Variants in STRADB observed in about 807,000 individuals in gnomAD.
STRADB encodes STE20 related adaptor beta, also known as STE20-related kinase adapter protein beta.
A neutral mutation model predicts 52.1 loss-of-function variants in STRADB; 34 were observed. The ratio of observed to expected loss-of-function variants is 0.65; its 90% CI spans 0.50 to 0.87. The LOEUF is 0.87. Ranked by LOEUF, STRADB falls within the 40% of genes least tolerant of loss-of-function variation. The pLI, the probability that STRADB is intolerant of heterozygous loss-of-function variation, is 0.00. For synonymous variants in STRADB, 133 were observed against 174.5 expected (o/e 0.76, Z 1.87); for missense variants, 340 against 483.9 (o/e 0.70, Z 2.79).
chr2:201,479,892 A>G, intron 11 of STRADB, 140 bp from the exon 12 acceptor site: 1 of 1,022,972 alleles, frequency 9.8e-7, no homozygotes, highest in South Asian at 1.5e-5. Context: ...GATGACCAGA[A>G]TCAAAGGCAG....
At chr2:201,475,924 A>G (rs1039018949) in intron 7 of STRADB, among the ~76,000 whole-genome samples, 182 bp downstream of exon 7, 1 of 152,158 alleles carries the variant, frequency 6.6e-6, no homozygotes, top group Non-Finnish European at 1.5e-5. Flanking sequence ...CATTCGCCAA[A>G]CATGTTCAGA....
At chr2:201,466,430 A>G (rs1010055386) in intron 3 of STRADB, among the ~76,000 whole-genome samples, 1 of 152,192 alleles carries the variant, frequency 6.6e-6, no homozygotes, top group Non-Finnish European at 1.5e-5. Flanking sequence ...AATGAATTGG[A>G]AAAGTTGTAT....
rs1201444460 is a variant in STRADB, at chr2:201,477,681, C to G, written c.611C>G (p.Ser204Cys). 1.2e-6 allele frequency: 2 copies of G among 1,612,952 alleles called. No homozygotes were observed. The highest frequency in any genetic ancestry group is 1.7e-6 in the Non-Finnish European group (2 of 1,179,136). Residue 204 changes from serine (S) to cysteine (C), a missense_variant, in exon 8 of 12, where the codon TCC becomes TGC. Transcript: ENST00000194530. ...GGCCTAGTGACCCTCTCTGGCCTGT[C>G]CCATCTGCATAGTTTGGTTAAGCAT... Reference protein sequence around the residue: ...GDGLVTLSGLSHLHSLVKHGQ... With the variant: ...GDGLVTLSGLCHLHSLVKHGQ...
chr2:201,468,034 G>C (rs1284231350), intron 3 of STRADB, among the ~76,000 whole-genome samples: 1 of 145,912 alleles, frequency 6.9e-6, no homozygotes, highest in Non-Finnish European at 1.5e-5. Flanking sequence ...ACTGATCTGG[G>C]CCCAGTTTTC....
intron 5 of STRADB, among the ~76,000 whole-genome samples, chr2:201,474,039 C>T (rs562007631): frequency 6.6e-6 from 1 of 152,068 alleles, no homozygotes; most frequent in Admixed American, 6.5e-5. Context: ...TACAGGCGCC[C>T]ACCACCACGT....
chr2:201,477,001 A>G (rs974511208), intron 7 of STRADB, among the ~76,000 whole-genome samples: 4 of 149,336 alleles, frequency 2.7e-5, no homozygotes, highest in African/African-American at 7.3e-5. Context: ...AAAAAAAAAA[A>G]AAGTGAAATT....
chr2:201,477,917 G>C (rs1490823534), intron 8 of STRADB, 127 bp downstream of exon 8: 3 of 1,293,276 alleles, frequency 2.3e-6, no homozygotes, highest in Non-Finnish European at 3.2e-6. Flanking sequence ...TCTCTTTCTT[G>C]TCAAAATTAT....
Position 201,459,611 on chromosome 2 carries a change from A to T in STRADB, c.93+747A>T, listed in dbSNP as rs118191815. Among the ~76,000 whole-genome samples the T allele has an allele frequency of 4.6e-5, 7 of 152,134 alleles. No individual in the cohort carries two copies. The East Asian group carries it at 1.4e-3, about 29-fold the overall frequency. On this transcript the variant is annotated intron_variant, in intron 3 of 11. Transcript: ENST00000194530. ...TACTGCTCAGGTCTCATTGTCTCTC[A>T]CCTGGGCTCTTGCAGGTGGACTCCT...
intron 3 of STRADB, among the ~76,000 whole-genome samples, chr2:201,461,681 A>G (rs1202657261): frequency 6.6e-6 from 1 of 151,844 alleles, no homozygotes; most frequent in African/African-American, 2.4e-5. Context: ...AAGCTTTTTA[A>G]CTTGCTGTGA....
Position 201,479,511 on chromosome 2 carries a change from T to C in STRADB, c.1093T>C (p.Ser365Pro). The change falls in exon 11 of 12, where the codon TCC becomes CCC. Residue 365 changes from serine to proline, a missense_variant. Ser to Pro is a moderately conservative substitution (Grantham distance 74, BLOSUM62 -1). Coordinates refer to ENST00000194530, the MANE Select transcript of STRADB (RefSeq NM_018571.6). ...CAGGCCATCAGCAAGCAGTTTATTG[T>C]CCCATGTTTTCTTCAAACAGGTGAG... ...EKRPSASSLL[S>P]HVFFKQMKEE... The C allele has an allele frequency of 6.2e-7, 1 of 1,603,650 alleles. No homozygotes were observed. Among genetic ancestry groups the C allele is most frequent in the South Asian group, 1.1e-5 (1 of 87,320 alleles).
chr2:201,456,630 C>T (rs1184197565), intron 2 of STRADB, among the ~76,000 whole-genome samples: 1 of 152,134 alleles, frequency 6.6e-6, no homozygotes, highest in East Asian at 1.9e-4. Flanking sequence ...GATACTTTTA[C>T]TTAAGGATTC....
chr2:201,478,679 A>C, intron 10 of STRADB, 78 bp downstream of exon 10: 1 of 1,463,310 alleles, frequency 6.8e-7, no homozygotes, highest in Non-Finnish European at 9.2e-7. Flanking sequence ...TTGCCCTTCC[A>C]GGAGAATACA....
rs1952364280 is a variant in STRADB at position 201,469,975 on chromosome 2, G to C, written c.116G>C (p.Trp39Ser). The stretch of plus-strand genomic sequence containing the variant: ...CAGGTTGATGAGCCAACCCTTTCCT[G>C]GTCACGTCCATCCACTAGAGCCAGT... Reference protein sequence around the residue: ...QYLVDEPTLSWSRPSTRASEV... With the variant: ...QYLVDEPTLSSSRPSTRASEV... The change falls in exon 4 of 12, where the codon TGG (tryptophan) becomes TCG (serine). Residue 39 changes from tryptophan (W) to serine (S), a missense_variant. Physicochemically the swap from Trp to Ser is radical, Grantham distance 177. Transcript: ENST00000194530. 3.7e-6 allele frequency: 6 copies of C among 1,613,634 alleles called. 1 individual carries two copies. The South Asian group carries it at 6.6e-5, about 18-fold the overall frequency.
intron 3 of STRADB, among the ~76,000 whole-genome samples, chr2:201,465,910 C>G (rs930100333): frequency 3.3e-5 from 5 of 152,164 alleles, no homozygotes; most frequent in Non-Finnish European, 5.9e-5. Flanking sequence ...GTGCAAAGTC[C>G]CACAATCACT....
intron 4 of STRADB, among the ~76,000 whole-genome samples, chr2:201,472,636 C>T (rs1235172900): frequency 6.6e-6 from 1 of 152,130 alleles, no homozygotes; most frequent in Non-Finnish European, 1.5e-5. Context: ...ATTGGTTTAT[C>T]AAGTCACAAT....
At chr2:201,456,860 T>A (rs1178773284) in intron 2 of STRADB, among the ~76,000 whole-genome samples, 7 of 152,248 alleles carry the variant, frequency 4.6e-5, no homozygotes, top group Non-Finnish European at 8.8e-5. Context: ...CTTTCAAGAA[T>A]CTTTTCTCAG....
chr2:201,473,146 C>T (rs2125680785), intron 5 of STRADB, 70 bp downstream of exon 5: 1 of 1,362,926 alleles, frequency 7.3e-7, no homozygotes, highest in Non-Finnish European at 9.9e-7. Context: ...GCAGATTCAA[C>T]CAATTGTGAA....
rs1391554565 is a variant in STRADB, at chr2:201,479,518, T to A, written c.1100T>A (p.Val367Asp). The change falls in exon 11 of 12, where the codon GTT (valine) becomes GAT (aspartate). Residue 367 changes from valine to aspartate, a missense_variant. Coordinates refer to ENST00000194530, the MANE Select transcript of STRADB (RefSeq NM_018571.6). ...TCAGCAAGCAGTTTATTGTCCCATG[T>A]TTTCTTCAAACAGGTGAGCTGATCT... Reference protein sequence around the residue: ...RPSASSLLSHVFFKQMKEESQ... With the variant: ...RPSASSLLSHDFFKQMKEESQ... 1 of 1,603,356 alleles carries A rather than the reference T, an allele frequency of 6.2e-7. No individual in the cohort carries two copies. Among genetic ancestry groups the A allele is most frequent in the Non-Finnish European group, 8.5e-7 (1 of 1,177,724 alleles).
intron 3 of STRADB, among the ~76,000 whole-genome samples, chr2:201,465,641 A>G (rs2125676578): frequency 6.6e-6 from 1 of 152,264 alleles, no homozygotes; most frequent in East Asian, 1.9e-4. Context: ...CCCCAAGTCC[A>G]CTGGCTCCAA....
Sources: gnomAD v4.1 joint callset for allele counts (sites outside exome capture counted in the v4.1 genomes callset) on GRCh38, gnomAD v4.1.1 for gene constraint, MANE v1.5 for transcripts, NCBI Gene and HGNC (gene_info 2026-07-23, HGNC 2026-07-21) for gene names.